The following MACROD2 variants were observed in gnomAD, a reference collection of about 807,000 sequenced individuals.
MACROD2 encodes the protein ADP-ribose glycohydrolase MACROD2.
MACROD2 carries 36 observed loss-of-function variants against 70.4 expected under a neutral mutation model. The observed-to-expected ratio is 0.51, with a 90% CI of 0.39 to 0.68. The LOEUF (loss-of-function observed/expected upper bound fraction) is 0.68. Ranked by LOEUF, MACROD2 falls within the 30% of genes least tolerant of loss-of-function variation. MACROD2 has a pLI of 0.00. For missense variants in MACROD2, 496 were observed against 538.4 expected (o/e 0.92, Z 0.78); for synonymous variants, 172 against 178.8 (o/e 0.96, Z 0.30).
chr20:14,536,445 A>C (rs1477548489), intron 4 of MACROD2, among the ~76,000 whole-genome samples: 1 of 152,158 alleles, frequency 6.6e-6, no homozygotes, highest in Non-Finnish European at 1.5e-5. Flanking sequence ...AGGTGTAGAG[A>C]ACATATGTGA....
chr20:15,740,733 A>C (rs1055957380), intron 8 of MACROD2, among the ~76,000 whole-genome samples: 4 of 151,490 alleles, frequency 2.6e-5, no homozygotes, highest in African/African-American at 9.7e-5. Flanking sequence ...AATGCAATGC[A>C]TGGTGACACC....
At chr20:14,949,543 A>G (rs1443915240) in intron 5 of MACROD2, among the ~76,000 whole-genome samples, 2 of 152,162 alleles carry the variant, frequency 1.3e-5, no homozygotes, top group Admixed American at 1.3e-4. Context: ...ACTTGTTCCA[A>G]TTGAAACATC....
At position 14,841,716 on chromosome 20, in the gene MACROD2, T is replaced by C. The variant is rs1235348226; in HGVS notation, c.418+156757T>C. 2.0e-5 allele frequency among the ~76,000 whole-genome samples: 3 copies of C among 152,124 alleles called. No homozygotes were observed. In the East Asian group the frequency reaches 5.8e-4, roughly 29 times the overall value. Reference sequence around the variant, plus strand: ...AATGAAAGTTAAAATGACATTATTATAAGTAAACTTGAGTTTTCTTTTATT... The same window carrying C: ...AATGAAAGTTAAAATGACATTATTACAAGTAAACTTGAGTTTTCTTTTATT... On this transcript the variant is annotated intron_variant, in intron 5 of 17. Transcript: ENST00000684519.
intron 3 of MACROD2, among the ~76,000 whole-genome samples, chr20:14,444,537 A>G (rs1333108213): frequency 6.6e-6 from 1 of 151,946 alleles, no homozygotes; most frequent in Admixed American, 6.6e-5. Flanking sequence ...TTTTCTGACT[A>G]CATTCACTCC....
intron 6 of MACROD2, among the ~76,000 whole-genome samples, chr20:15,253,347 G>C (rs184383382): frequency 1.3e-5 from 2 of 152,138 alleles, no homozygotes; most frequent in Non-Finnish European, 2.9e-5. Context: ...CTTTTACAAA[G>C]TTTCCTGACC....
chr20:15,169,522 A>G lies in MACROD2; in HGVS notation c.419-60418A>G, dbSNP rs190808016. Among the ~76,000 whole-genome samples the G allele has an allele frequency of 1.5e-3, 235 of 152,324 alleles. 2 individuals carry two copies. The highest frequency in any genetic ancestry group is 1.5e-3 in the Non-Finnish European group (102 of 68,030). On this transcript the variant is annotated intron_variant, in intron 5 of 17. Transcript: ENST00000684519. ...CTGCACCAGCCACTATCAGGGTACAAGACATTTATTTGCAAGAATTAAAAG... is the reference window on the plus strand; with the variant it reads ...CTGCACCAGCCACTATCAGGGTACAGGACATTTATTTGCAAGAATTAAAAG...
At chr20:15,147,998 C>T (rs1289398550) in intron 5 of MACROD2, among the ~76,000 whole-genome samples, 2 of 152,092 alleles carry the variant, frequency 1.3e-5, no homozygotes, top group South Asian at 2.1e-4. Flanking sequence ...TGTGTATGTG[C>T]AGGTCACAGG....
chr20:15,868,999 C>T (rs1219149106), intron 9 of MACROD2, among the ~76,000 whole-genome samples: 3 of 151,348 alleles, frequency 2.0e-5, no homozygotes, highest in Admixed American at 2.0e-4. Context: ...ACCATGTTGC[C>T]CAGGTTTGTC....
intron 8 of MACROD2, among the ~76,000 whole-genome samples, chr20:15,769,136 T>C (rs930845963): frequency 6.6e-6 from 1 of 152,190 alleles, no homozygotes; most frequent in African/African-American, 2.4e-5. Context: ...AATGGTGTTT[T>C]GTTTTGTTTT....
At chr20:15,539,324 T>C (rs1426367311) in intron 8 of MACROD2, among the ~76,000 whole-genome samples, 2 of 152,220 alleles carry the variant, frequency 1.3e-5, no homozygotes, top group Non-Finnish European at 2.9e-5. Flanking sequence ...TTAAGCTGAC[T>C]GTAGGAGGAC....
At chr20:15,874,095 G>A (rs904407306) in intron 9 of MACROD2, among the ~76,000 whole-genome samples, 13 of 114,862 alleles carry the variant, frequency 1.1e-4, no homozygotes, top group Admixed American at 4.7e-4. Context: ...GCCCCAGTGT[G>A]TGATGTTCCC....
At chr20:15,250,377 C>T (rs900985698) in intron 6 of MACROD2, among the ~76,000 whole-genome samples, 1 of 152,184 alleles carries the variant, frequency 6.6e-6, no homozygotes, top group Non-Finnish European at 1.5e-5. Flanking sequence ...CATTGTTCCA[C>T]GATTTCCATG....
intron 3 of MACROD2, among the ~76,000 whole-genome samples, chr20:14,225,346 G>A (rs910974159): frequency 6.6e-6 from 1 of 152,096 alleles, no homozygotes; most frequent in African/African-American, 2.4e-5. Context: ...AAACATATAT[G>A]AGAAATATTG....
At chr20:14,281,491 AGTG>A (rs1437120485) in intron 3 of MACROD2, among the ~76,000 whole-genome samples, 1 of 152,208 alleles carries the variant, frequency 6.6e-6, no homozygotes, top group African/African-American at 2.4e-5. Flanking sequence ...AGAATTAGAT[AGTG>A]GTAATACTTT....
intron 8 of MACROD2, among the ~76,000 whole-genome samples, chr20:15,507,183 A>G (rs965340253): frequency 6.6e-6 from 1 of 151,976 alleles, no homozygotes; most frequent in African/African-American, 2.4e-5. Flanking sequence ...AACACTGATG[A>G]CTTGCTAACA....
intron 5 of MACROD2, chr20:14,757,627 G>C: frequency 8.4e-7 from 1 of 1,195,502 alleles, no homozygotes; most frequent in East Asian, 2.3e-5. Flanking sequence ...GAGTCATGGT[G>C]GCCAAGGACA....
At chr20:15,711,475 C>T (rs888779905) in intron 8 of MACROD2, among the ~76,000 whole-genome samples, 1 of 152,222 alleles carries the variant, frequency 6.6e-6, no homozygotes, top group African/African-American at 2.4e-5. Flanking sequence ...ATTCTCATTT[C>T]TCCCTGCTTG....
chr20:14,601,738 A>G (rs1234697427), intron 4 of MACROD2, among the ~76,000 whole-genome samples: 2 of 152,064 alleles, frequency 1.3e-5, no homozygotes, highest in African/African-American at 4.8e-5. Flanking sequence ...ATCACTCCTT[A>G]CTTAGGTTCT....
At chr20:15,621,144 A>G (rs2049119121) in intron 8 of MACROD2, among the ~76,000 whole-genome samples, 1 of 152,116 alleles carries the variant, frequency 6.6e-6, no homozygotes, top group Admixed American at 6.5e-5. Flanking sequence ...GTTGGGCTGA[A>G]CTTTTAGGCT....
Sources: allele counts gnomAD v4.1 joint callset (sites outside exome capture counted in the v4.1 genomes callset), GRCh38; gene constraint gnomAD v4.1.1; transcripts MANE v1.5; gene names NCBI Gene and HGNC (gene_info 2026-07-23, HGNC 2026-07-21).